Variants in TMEM74 observed in about 807,000 individuals in gnomAD.
The protein encoded by TMEM74 is transmembrane protein 74.
A neutral mutation model predicts 18.1 loss-of-function variants in TMEM74; 13 were observed. The observed-to-expected ratio is 0.72, with a 90% CI of 0.47 to 1.14. TMEM74 has a LOEUF of 1.14. Ranked by LOEUF, TMEM74 falls within the 50% of genes most tolerant of loss-of-function variation. The pLI, the probability that TMEM74 is intolerant of heterozygous loss-of-function variation, is 0.00. For missense variants in TMEM74, 372 were observed against 375.9 expected (o/e 0.99, Z 0.09); for synonymous variants, 159 against 146.6 (o/e 1.08, Z -0.61).
intron 1 of TMEM74, among the ~76,000 whole-genome samples, chr8:108,701,460 A>G (rs1813334036): frequency 6.6e-6 from 1 of 152,202 alleles, no homozygotes; most frequent in Non-Finnish European, 1.5e-5. Context: ...GCCTTTGTTT[A>G]CAGATGGCAT....
intron 2 of TMEM74, among the ~76,000 whole-genome samples, chr8:108,616,897 T>A (rs1282757221): frequency 6.6e-6 from 1 of 151,668 alleles, no homozygotes; most frequent in Non-Finnish European, 1.5e-5. Context: ...ATACCTGGAG[T>A]TGGTTAATGT....
intron 1 of TMEM74, among the ~76,000 whole-genome samples, chr8:108,657,862 ATATATATATATATATATATATAT>A (rs1812856010): frequency 2.1e-5 from 1 of 48,450 alleles, no homozygotes; most frequent in African/African-American, 9.4e-5. Context: ...AAAAAAAAAT[ATATATATATATATATATATATAT>A]ATATATATAT....
At chr8:108,778,355 T>C (rs180957367), downstream of TMEM74, among the ~76,000 whole-genome samples, 356 of 152,218 alleles carry the variant, frequency 2.3e-3, no homozygotes, top group Middle Eastern at 3.4e-3. Context: ...ACCAGGGACA[T>C]GTAAAAAGGT....
chr8:108,678,593 G>A lies in TMEM74; in HGVS notation n.120-23156C>T, dbSNP rs369796400. 7.3e-5 allele frequency among the ~76,000 whole-genome samples: 11 copies of A among 150,200 alleles called. No individual in the cohort carries two copies. In the South Asian group the frequency reaches 8.4e-4, roughly 11 times the overall value. On this transcript the variant is annotated intron_variant and non_coding_transcript_variant, in intron 1 of 3. Transcript: ENST00000518838. ...TCGCCATGTTGGCCAGGCTGGTCTC[G>A]AAATCCTGGCCTCAAGTGATCCTCC...
chr8:108,625,144 G>A (rs1230656620), intron 2 of TMEM74, among the ~76,000 whole-genome samples: 1 of 151,934 alleles, frequency 6.6e-6, no homozygotes, highest in African/African-American at 2.4e-5. Context: ...CAAGTGGTGG[G>A]AGACTTTGAC....
intron 2 of TMEM74, among the ~76,000 whole-genome samples, chr8:108,629,732 C>T (rs1812531234): frequency 6.6e-6 from 1 of 151,952 alleles, no homozygotes; most frequent in East Asian, 1.9e-4. Context: ...TCTGGTCAAA[C>T]AAAGCTTTAT....
rs905175467 is a variant in TMEM74 at position 108,779,664 on chromosome 8, A to AATAGT, written c.*4512_*4516dup. Reference sequence around the variant, plus strand: ...AAAGACTTCTCTTCTTCTTAATGTCAATAGTAAGGCATGCCAAATTCCTAT... The same window carrying AATAGT: ...AAAGACTTCTCTTCTTCTTAATGTCAATAGTATAGTAAGGCATGCCAAATTCCTAT... On this transcript the variant is annotated 3_prime_UTR_variant, in exon 2 of 2. Transcript: ENST00000297459. Among the ~76,000 whole-genome samples, 4 of 152,304 alleles carry AATAGT rather than the reference A, an allele frequency of 2.6e-5. No homozygotes were observed. Among genetic ancestry groups the AATAGT allele is most frequent in the Admixed American group, 1.3e-4 (2 of 15,286 alleles).
chr8:108,764,941 T>C (rs1181789574), intron 1 of TMEM74, among the ~76,000 whole-genome samples: 2 of 152,186 alleles, frequency 1.3e-5, no homozygotes, highest in African/African-American at 4.8e-5. Flanking sequence ...TCAATGAAGC[T>C]GAGTTTATCA....
chr8:108,650,470 T>C (rs2130570651), intron 2 of TMEM74, among the ~76,000 whole-genome samples: 1 of 152,306 alleles, frequency 6.6e-6, no homozygotes, highest in East Asian at 1.9e-4. Context: ...CAATGGCCTA[T>C]AAAACTCCAT....
chr8:108,728,979 G>C (rs189562989), intron 1 of TMEM74, among the ~76,000 whole-genome samples: 80 of 152,342 alleles, frequency 5.3e-4, no homozygotes, highest in Middle Eastern at 6.8e-3. Context: ...TAAAGTCACT[G>C]TATCATTGTA....
chr8:108,757,150 G>A (rs895512789), intron 1 of TMEM74, among the ~76,000 whole-genome samples: 1 of 151,944 alleles, frequency 6.6e-6, no homozygotes, highest in Non-Finnish European at 1.5e-5. Flanking sequence ...CCTAATTTGA[G>A]GTCTACAAGC....
At chr8:108,735,732 T>C (rs1813742078) in intron 1 of TMEM74, among the ~76,000 whole-genome samples, 1 of 152,278 alleles carries the variant, frequency 6.6e-6, no homozygotes, top group South Asian at 2.1e-4. Flanking sequence ...TACTTAGAAG[T>C]GGAATTGCTG....
chr8:108,709,123 T>C (rs1208508318), intron 1 of TMEM74, among the ~76,000 whole-genome samples: 1 of 152,122 alleles, frequency 6.6e-6, no homozygotes, highest in Non-Finnish European at 1.5e-5. Flanking sequence ...GTATGGATGT[T>C]CCACAAAAAT....
intron 1 of TMEM74, among the ~76,000 whole-genome samples, chr8:108,714,404 G>A (rs1195051040): frequency 6.6e-6 from 1 of 152,108 alleles, no homozygotes; most frequent in Non-Finnish European, 1.5e-5. Flanking sequence ...GAAATTCTCG[G>A]CAAAATTACC....
chr8:108,628,016 C>T (rs1348873693), intron 2 of TMEM74, among the ~76,000 whole-genome samples: 1 of 151,946 alleles, frequency 6.6e-6, no homozygotes, highest in East Asian at 1.9e-4. Flanking sequence ...TGAAGTGGTG[C>T]CACTGCATTC....
At chr8:108,776,728 CATGATG>C (rs71305917), downstream of TMEM74, among the ~76,000 whole-genome samples, 1,258 of 147,996 alleles carry the variant, frequency 8.5e-3, 16 homozygotes, top group Middle Eastern at 0.031. Flanking sequence ...GCAGTTTCCA[CATGATG>C]ATGATGATGA....
chr8:108,779,980 A>G lies in TMEM74; in HGVS notation c.*4201T>C, dbSNP rs1226077144. ...CCAAAAACAGATATAGCTAAAAATC[A>G]GCCAAAAGGAAATGATATGTTAATT... On this transcript the variant is annotated 3_prime_UTR_variant, in exon 2 of 2. Coordinates refer to ENST00000297459, the MANE Select transcript of TMEM74 (RefSeq NM_153015.3). Among the ~76,000 whole-genome samples the G allele has an allele frequency of 6.6e-6, 1 of 152,254 alleles. No individual in the cohort carries two copies. Among genetic ancestry groups the G allele is most frequent in the East Asian group, 1.9e-4 (1 of 5,202 alleles).
intron 1 of TMEM74, among the ~76,000 whole-genome samples, chr8:108,738,806 G>A (rs1813772093): frequency 6.6e-6 from 1 of 152,168 alleles, no homozygotes; most frequent in African/African-American, 2.4e-5. Context: ...GAACAGTCCA[G>A]GACTGGCAGG....
intron 1 of TMEM74, among the ~76,000 whole-genome samples, chr8:108,689,772 GATCAGCTT>G (rs1813206348): frequency 6.6e-6 from 1 of 152,146 alleles, no homozygotes; most frequent in Non-Finnish European, 1.5e-5. Flanking sequence ...AATGAAGTCA[GATCAGCTT>G]ACCCGGCACC....
Sources: allele counts gnomAD v4.1 joint callset (sites outside exome capture counted in the v4.1 genomes callset), GRCh38; gene constraint gnomAD v4.1.1; transcripts MANE v1.5; gene names NCBI Gene and HGNC (gene_info 2026-07-23, HGNC 2026-07-21).